FARSB: variants seen among roughly 807,000 people sequenced by gnomAD.
FARSB encodes the protein phenylalanine--tRNA ligase beta subunit.
Under a neutral mutation model 69.6 loss-of-function variants are expected in FARSB, and 40 were observed. The observed-to-expected ratio is 0.57, with a 90% CI of 0.45 to 0.75. The LOEUF (loss-of-function observed/expected upper bound fraction) is 0.75, where lower values mean the gene tolerates loss of function less well. Ranked by LOEUF, FARSB falls within the 30% of genes least tolerant of loss-of-function variation. The pLI, the probability that FARSB is intolerant of heterozygous loss-of-function variation, is 0.00. For synonymous variants in FARSB, 235 were observed against 247.2 expected (o/e 0.95, Z 0.46); for missense variants, 632 against 722.9 (o/e 0.87, Z 1.44).
In FARSB at chr2:222,634,402, T is replaced by C; in HGVS notation, c.595A>G (p.Asn199Asp). The change falls in exon 6 of 17, where the codon AAC becomes GAC. Residue 199 changes from asparagine to aspartate, a missense_variant. Transcript: ENST00000281828. ...TKEYTACELM[N>D]IYKTDNHLKH... ...AAAAGAATATTTACCTTGTATATGTTCATCAGTTCACAGGCTGTATACTCC... is the reference window on the plus strand; with the variant it reads ...AAAAGAATATTTACCTTGTATATGTCCATCAGTTCACAGGCTGTATACTCC... 1.3e-6 allele frequency: 2 copies of C among 1,580,646 alleles called. No individual in the cohort carries two copies. The highest frequency in any genetic ancestry group is 1.7e-6 in the Non-Finnish European group (2 of 1,164,798).
At chr2:222,635,539 T>C (rs1388715398) in intron 5 of FARSB, among the ~76,000 whole-genome samples, 4 of 152,164 alleles carry the variant, frequency 2.6e-5, no homozygotes, top group African/African-American at 7.2e-5. Flanking sequence ...TAGGATAAAA[T>C]ATGCATGGTT....
In FARSB at chr2:222,639,666, T is replaced by G; in HGVS notation, c.369A>C (p.Ala123=). ...ETAKIRPFAV[A]AVLRNIKFTK... The stretch of plus-strand genomic sequence containing the variant: ...TAAACTTTATATTACGGAGAACTGC[T>G]GCTACCGCAAAAGGACGTATCTTAG... Residue 123 remains alanine, a synonymous_variant, in exon 5 of 17, where the codon GCA becomes GCC. Coordinates refer to ENST00000281828, the MANE Select transcript of FARSB (RefSeq NM_005687.5). 1 of 1,580,772 alleles carries G rather than the reference T, an allele frequency of 6.3e-7. No homozygotes were observed. Among genetic ancestry groups the G allele is most frequent in the African/African-American group, 1.3e-5 (1 of 74,206 alleles).
intron 16 of FARSB, among the ~76,000 whole-genome samples, chr2:222,577,445 C>T (rs978288735): frequency 3.3e-5 from 5 of 152,148 alleles, no homozygotes; most frequent in African/African-American, 1.2e-4. Context: ...CACCTGCAGA[C>T]ACCATTAACT....
chr2:222,640,969 C>G, intron 3 of FARSB, 38 bp from the exon 4 acceptor site: 1 of 997,532 alleles, frequency 1.0e-6, no homozygotes, highest in Non-Finnish European at 1.5e-6. Context: ...CATAATTAAT[C>G]AAGACATTAT....
chr2:222,655,321 G>A lies in FARSB; in HGVS notation c.58+695C>T, dbSNP rs190352966. 3.4e-3 allele frequency among the ~76,000 whole-genome samples: 515 copies of A among 152,228 alleles called. 6 individuals are homozygous for A. The highest frequency in any genetic ancestry group is 0.012 in the African/African-American group (492 of 41,530). On this transcript the variant is annotated intron_variant, in intron 1 of 16. Coordinates refer to ENST00000281828, the MANE Select transcript of FARSB (RefSeq NM_005687.5). ...TTTAGAACTGATTAAAAGATGAAAT[G>A]TAGAATGAAGTCTACACCCATTTAA...
At chr2:222,577,712 T>C (rs1460083739) in intron 16 of FARSB, among the ~76,000 whole-genome samples, 1 of 152,240 alleles carries the variant, frequency 6.6e-6, no homozygotes, top group Non-Finnish European at 1.5e-5. Context: ...TCCTTGTGAC[T>C]AAATATTTAG....
At chr2:222,645,615 C>CTT (rs34378478) in intron 2 of FARSB, among the ~76,000 whole-genome samples, 3 of 144,348 alleles carry the variant, frequency 2.1e-5, no homozygotes, top group African/African-American at 7.6e-5. Flanking sequence ...TAAAGTATGT[C>CTT]TTTTTTTTTT....
At chr2:222,610,087 A>G (rs1378866056) in intron 15 of FARSB, among the ~76,000 whole-genome samples, 1 of 152,106 alleles carries the variant, frequency 6.6e-6, no homozygotes. Flanking sequence ...AAGACTGGCA[A>G]CTCTTTCTCT....
rs1419667336 is a variant in FARSB at position 222,648,805 on chromosome 2, T to C, written c.59-10A>G. 3.2e-6 allele frequency: 5 copies of C among 1,585,778 alleles called. No individual in the cohort carries two copies. Among genetic ancestry groups the C allele is most frequent in the Non-Finnish European group, 4.3e-6 (5 of 1,154,442 alleles). ...TCAAATTCTTCGTCAGCTAGGAAAATAAAAAAGGAGATGGTTAATTTCACT... is the reference window on the plus strand; with the variant it reads ...TCAAATTCTTCGTCAGCTAGGAAAACAAAAAAGGAGATGGTTAATTTCACT... On this transcript the variant is annotated splice_polypyrimidine_tract_variant and intron_variant, in intron 1 of 16. Transcript: ENST00000281828.
At position 222,597,779 on chromosome 2, in the gene FARSB, T is replaced by A. The variant is rs187166405; in HGVS notation, c.1618+2149A>T. ...CTCCTCTACAATGTGCTAAAATCCC[T>A]TCCCACCATTCTCTTCACCTCTGCT... On this transcript the variant is annotated intron_variant, in intron 16 of 16. Coordinates refer to ENST00000281828, the MANE Select transcript of FARSB (RefSeq NM_005687.5). Among the ~76,000 whole-genome samples the A allele has an allele frequency of 2.6e-5, 4 of 152,256 alleles. No homozygotes were observed. The East Asian group carries it at 7.7e-4, about 29-fold the overall frequency.
chr2:222,595,361 TA>T (rs1362239721), intron 16 of FARSB, among the ~76,000 whole-genome samples: 1 of 152,162 alleles, frequency 6.6e-6, no homozygotes, highest in East Asian at 1.9e-4. Context: ...ATTTCACCCA[TA>T]TTTTTTAGCA....
At chr2:222,602,080 G>C (rs1690574817) in intron 15 of FARSB, among the ~76,000 whole-genome samples, 1 of 152,132 alleles carries the variant, frequency 6.6e-6, no homozygotes, top group Admixed American at 6.5e-5. Context: ...AGATAGACTT[G>C]ACAACCTGGA....
At chr2:222,652,321 T>G (rs1374005755) in intron 1 of FARSB, among the ~76,000 whole-genome samples, 1 of 152,128 alleles carries the variant, frequency 6.6e-6, no homozygotes, top group Non-Finnish European at 1.5e-5. Flanking sequence ...CAGTGGAGGT[T>G]AGAGGGGAAA....
intron 4 of FARSB, among the ~76,000 whole-genome samples, chr2:222,640,651 G>C: frequency 6.6e-6 from 1 of 152,138 alleles, no homozygotes; most frequent in East Asian, 1.9e-4. Flanking sequence ...AAATACTCAG[G>C]AGGCTGAGGT....
intron 1 of FARSB, among the ~76,000 whole-genome samples, chr2:222,654,601 G>A (rs1193525968): frequency 1.3e-5 from 2 of 152,182 alleles, no homozygotes; most frequent in South Asian, 2.1e-4. Flanking sequence ...AAAATAAAGC[G>A]ATTAGGCGAT....
intron 11 of FARSB, 28 bp from the exon 12 acceptor site, chr2:222,624,507 C>T: frequency 7.0e-7 from 1 of 1,431,336 alleles, no homozygotes. Context: ...AAACCATAAA[C>T]TTCATTGGAT....
intron 2 of FARSB, among the ~76,000 whole-genome samples, chr2:222,643,507 G>GA (rs912720054): frequency 2.0e-5 from 3 of 151,980 alleles, no homozygotes; most frequent in African/African-American, 7.2e-5. Flanking sequence ...ACATCACCAA[G>GA]AACATAAAGT....
intron 13 of FARSB, among the ~76,000 whole-genome samples, chr2:222,622,650 G>A (rs995277570): frequency 2.6e-5 from 4 of 152,196 alleles, no homozygotes; most frequent in Non-Finnish European, 4.4e-5. Context: ...CAGACCTAGT[G>A]TACACGGTAT....
intron 16 of FARSB, among the ~76,000 whole-genome samples, chr2:222,583,169 GACTGTAATGGATCTAAATAC>G (rs953383979): frequency 8.5e-5 from 13 of 152,228 alleles, no homozygotes; most frequent in South Asian, 2.1e-4. Context: ...CAAAATAAAT[GACTGTAATGGATCTAAATAC>G]ACTGACTAAA....
Sources: allele counts gnomAD v4.1 joint callset (sites outside exome capture counted in the v4.1 genomes callset), GRCh38; gene constraint gnomAD v4.1.1; transcripts MANE v1.5; gene names NCBI Gene and HGNC (gene_info 2026-07-23, HGNC 2026-07-21).